The following CRIM1 variants were observed in gnomAD, a reference collection of about 807,000 sequenced individuals.
CRIM1 encodes the protein cysteine rich transmembrane BMP regulator 1.
A neutral mutation model predicts 116.4 loss-of-function variants in CRIM1; 32 were observed. That is an observed-to-expected ratio of 0.27 (90% CI 0.21 to 0.37). CRIM1 has a LOEUF of 0.37. CRIM1 is among the 10% of genes least tolerant of loss of function. The probability of loss-of-function intolerance (pLI) is 1.00; values close to 1 mark genes in which losing one functional copy is unlikely to be tolerated. For synonymous variants in CRIM1, 590 were observed against 509.2 expected, an observed-to-expected ratio of 1.16 and a Z score of -2.13; for missense variants, 1,331 against 1,354.8, an observed-to-expected ratio of 0.98 and a Z score of 0.28.
chr2:36,472,141 T>A (rs1340622184), intron 5 of CRIM1, among the ~76,000 whole-genome samples: 1 of 152,240 alleles, frequency 6.6e-6, no homozygotes, highest in Non-Finnish European at 1.5e-5. Context: ...AAAAGGCACT[T>A]CTGTGCTTCA....
chr2:36,365,948 G>C (rs1208435033), intron 1 of CRIM1, among the ~76,000 whole-genome samples: 1 of 152,120 alleles, frequency 6.6e-6, no homozygotes, highest in African/African-American at 2.4e-5. Flanking sequence ...TGGCCAGGAT[G>C]GTCTCTCGAC....
At chr2:36,520,147 C>T (rs1665286548) in intron 12 of CRIM1, among the ~76,000 whole-genome samples, 3 of 152,198 alleles carry the variant, frequency 2.0e-5, no homozygotes. Flanking sequence ...CAGACTCTAC[C>T]TCGGCTCCAG....
At chr2:36,373,950 C>T (rs1402384738) in intron 1 of CRIM1, among the ~76,000 whole-genome samples, 1 of 152,150 alleles carries the variant, frequency 6.6e-6, no homozygotes, top group Non-Finnish European at 1.5e-5. Context: ...GGCCATCATT[C>T]GTTAATTTAC....
chr2:36,503,584 C>T (rs2125093896), intron 8 of CRIM1, among the ~76,000 whole-genome samples: 2 of 151,962 alleles, frequency 1.3e-5, no homozygotes, highest in South Asian at 4.2e-4. Flanking sequence ...TTCTTCCTGC[C>T]CTCTAAGGAC....
intron 5 of CRIM1, among the ~76,000 whole-genome samples, chr2:36,475,246 C>T (rs848549): frequency 0.4 from 60,195 of 152,128 alleles, 13,066 homozygotes; most frequent in East Asian, 0.58. Flanking sequence ...GTCCCGTTTA[C>T]TTAGGCCTTT....
intron 1 of CRIM1, among the ~76,000 whole-genome samples, chr2:36,374,900 T>C (rs536780791): frequency 2.0e-5 from 3 of 152,126 alleles, no homozygotes; most frequent in African/African-American, 4.8e-5. Context: ...CAGAACTGTA[T>C]TGACTCTAAG....
intron 1 of CRIM1, among the ~76,000 whole-genome samples, chr2:36,358,794 A>C (rs1669028506): frequency 1.3e-5 from 2 of 152,168 alleles, no homozygotes; most frequent in Admixed American, 1.3e-4. Context: ...TGAAAACAGC[A>C]GTCAACTTGC....
intron 1 of CRIM1, among the ~76,000 whole-genome samples, chr2:36,364,136 C>A (rs1006414651): frequency 1.3e-5 from 2 of 152,158 alleles, no homozygotes; most frequent in African/African-American, 4.8e-5. Flanking sequence ...AGTGTGCACA[C>A]AAATCACCTA....
rs145130115 is a variant in CRIM1, at chr2:36,481,967, T to C, written c.1372+2273T>C. On this transcript the variant is annotated intron_variant, in intron 7 of 16. Coordinates refer to ENST00000280527, the MANE Select transcript of CRIM1 (RefSeq NM_016441.3). ...TGAAAACTACTCCAGGTATTTTGAATGTGATCGTCCACCTACTGTCTCCTC... is the reference window on the plus strand; with the variant it reads ...TGAAAACTACTCCAGGTATTTTGAACGTGATCGTCCACCTACTGTCTCCTC... Among the ~76,000 whole-genome samples the C allele has an allele frequency of 1.3e-3, 195 of 152,304 alleles. 4 individuals carry two copies. The East Asian group carries it at 0.028, about 22-fold the overall frequency.
chr2:36,534,114 G>C (rs1666318357), intron 13 of CRIM1, among the ~76,000 whole-genome samples: 1 of 137,746 alleles, frequency 7.3e-6, no homozygotes, highest in Non-Finnish European at 1.6e-5. Context: ...AGGGAGGGAA[G>C]GAGGGGAAAG....
chr2:36,515,595 G>T (rs1439110347), intron 11 of CRIM1, among the ~76,000 whole-genome samples: 1 of 152,104 alleles, frequency 6.6e-6, no homozygotes, highest in Non-Finnish European at 1.5e-5. Flanking sequence ...AGTATCTCCC[G>T]AACTCTTCTA....
Position 36,533,116 on chromosome 2 carries a change from T to C in CRIM1, c.2429-4236T>C, listed in dbSNP as rs114777326. ...CATTTATATGTAGTCTCAATTAGAT[T>C]ATGCTGTTTCCCCCAAAAGACTACA... On this transcript the variant is annotated intron_variant, in intron 13 of 16. Coordinates refer to ENST00000280527, the MANE Select transcript of CRIM1 (RefSeq NM_016441.3). Among the ~76,000 whole-genome samples the C allele has an allele frequency of 4.7e-3, 709 of 152,290 alleles. 6 individuals are homozygous for C. Among genetic ancestry groups the C allele is most frequent in the African/African-American group, 0.014 (592 of 41,544 alleles).
At chr2:36,366,019 C>A (rs1414001157) in intron 1 of CRIM1, among the ~76,000 whole-genome samples, 2 of 152,218 alleles carry the variant, frequency 1.3e-5, no homozygotes. Flanking sequence ...AGCCACCGCG[C>A]CCAGCCCAGA....
At chr2:36,362,105 T>C (rs1441302486) in intron 1 of CRIM1, among the ~76,000 whole-genome samples, 2 of 151,988 alleles carry the variant, frequency 1.3e-5, no homozygotes, top group Non-Finnish European at 2.9e-5. Flanking sequence ...GTACACTTAA[T>C]CAAGATAAGA....
At chr2:36,510,795 T>G (rs916154002) in intron 9 of CRIM1, among the ~76,000 whole-genome samples, 1 of 152,214 alleles carries the variant, frequency 6.6e-6, no homozygotes, top group Non-Finnish European at 1.5e-5. Flanking sequence ...AGCACCTATA[T>G]TTGCCTTTAT....
intron 1 of CRIM1, among the ~76,000 whole-genome samples, chr2:36,394,837 G>C (rs1331163100): frequency 6.6e-6 from 1 of 151,940 alleles, no homozygotes; most frequent in Non-Finnish European, 1.5e-5. Flanking sequence ...CCTTTTCAAA[G>C]GACCGCCCTG....
chr2:36,442,724 T>G lies in CRIM1; in HGVS notation c.858T>G (p.Thr286=). Residue 286 remains threonine, a synonymous_variant, in exon 4 of 17, where the codon ACT becomes ACG. Transcript: ENST00000280527. ...QVRLTADGCC[T]LPTRCECLSG... ...GACTAACTGCAGATGGTTGCTGTAC[T>G]TTGCCAACAAGGTTAGTTTGCCATT... 6.2e-7 allele frequency: 1 copy of G among 1,614,162 alleles called. No homozygotes were observed. Among genetic ancestry groups the G allele is most frequent in the Non-Finnish European group, 8.5e-7 (1 of 1,179,994 alleles).
At chr2:36,544,624 T>C in intron 15 of CRIM1, 126 bp downstream of exon 15, 2 of 1,016,448 alleles carry the variant, frequency 2.0e-6, no homozygotes, top group Non-Finnish European at 2.6e-6. Context: ...AAATAACTAT[T>C]CCCGGGCAGA....
chr2:36,452,582 C>G (rs973925495), intron 4 of CRIM1, among the ~76,000 whole-genome samples: 8 of 152,150 alleles, frequency 5.3e-5, no homozygotes, highest in Admixed American at 2.0e-4. Flanking sequence ...AGAAGTAAAG[C>G]CATTGCCCAT....
Sources: allele counts gnomAD v4.1 joint callset (sites outside exome capture counted in the v4.1 genomes callset), GRCh38; gene constraint gnomAD v4.1.1; transcripts MANE v1.5; gene names NCBI Gene and HGNC (gene_info 2026-07-23, HGNC 2026-07-21).